Variants in SHPRH observed in about 807,000 individuals in gnomAD.
The protein encoded by SHPRH is SNF2 histone linker PHD RING helicase.
A neutral mutation model predicts 202.5 loss-of-function variants in SHPRH; 106 were observed. The observed-to-expected ratio is 0.52, with a 90% CI of 0.45 to 0.62. SHPRH has a LOEUF of 0.62. Ranked by LOEUF, SHPRH falls within the 20% of genes least tolerant of loss-of-function variation. The probability of loss-of-function intolerance (pLI) is 0.00; values close to 1 mark genes in which losing one functional copy is unlikely to be tolerated. For missense variants in SHPRH, 1,710 were observed against 2,020.0 expected (o/e 0.85, Z 2.94); for synonymous variants, 729 against 686.0 (o/e 1.06, Z -0.98).
intron 21 of SHPRH, among the ~76,000 whole-genome samples, chr6:145,920,633 T>G (rs1267437999): frequency 6.6e-6 from 1 of 152,108 alleles, no homozygotes; most frequent in Admixed American, 6.6e-5. Flanking sequence ...AATGGATAAC[T>G]AATCCAAATA....
intron 2 of SHPRH, among the ~76,000 whole-genome samples, chr6:145,866,659 A>G (rs938922426): frequency 6.6e-6 from 1 of 152,204 alleles, no homozygotes; most frequent in Non-Finnish European, 1.5e-5. Flanking sequence ...CAAAGAGCCA[A>G]AGGTGTAGAA....
At chr6:145,888,204 A>C in intron 28 of SHPRH, 104 bp from the exon 29 acceptor site, 1 of 765,718 alleles carries the variant, frequency 1.3e-6, no homozygotes, top group Non-Finnish European at 2.1e-6. Context: ...GTTGGTGCCC[A>C]CTTGTGGCAG....
At chr6:145,894,498 T>A (rs1477833931) in intron 26 of SHPRH, among the ~76,000 whole-genome samples, 1 of 150,962 alleles carries the variant, frequency 6.6e-6, no homozygotes, top group African/African-American at 2.4e-5. Flanking sequence ...CATAATGGAG[T>A]GCATACTGGA....
chr6:145,949,962 A>G (rs987217453), intron 4 of SHPRH, among the ~76,000 whole-genome samples: 3 of 152,104 alleles, frequency 2.0e-5, no homozygotes, highest in Admixed American at 2.0e-4. Flanking sequence ...GATTCTAAAG[A>G]GCAATTCTTT....
At chr6:145,925,969 T>C (rs1327345558) in intron 16 of SHPRH, among the ~76,000 whole-genome samples, 1 of 151,966 alleles carries the variant, frequency 6.6e-6, no homozygotes, top group Non-Finnish European at 1.5e-5. Context: ...CCAACAGCCA[T>C]ATCTACAACA....
At chr6:145,919,593 C>T (rs1784251316) in intron 21 of SHPRH, 102 bp from the exon 22 acceptor site, 5 of 1,363,260 alleles carry the variant, frequency 3.7e-6, no homozygotes, top group Non-Finnish European at 4.9e-6. Context: ...TGAGATCTTA[C>T]ACTTTTTCGC....
In SHPRH at chr6:145,885,822, G is replaced by A. The variant is rs780829108; in HGVS notation, c.*869C>T. ...TACACAAGAACATGGGAAAGAAAAA[G>A]AATCCAAGACATCAGTATAATAATG... On this transcript the variant is annotated 3_prime_UTR_variant, in exon 30 of 30. Coordinates refer to ENST00000275233, the MANE Select transcript of SHPRH (RefSeq NM_001042683.3). 3 of 150,942 alleles carry A rather than the reference G, an allele frequency of 2.0e-5. No individual in the cohort carries two copies. The highest frequency in any genetic ancestry group is 2.0e-4 in the Admixed American group (3 of 15,146). The allele number at this position is 150,942 out of a possible 1,614,324, so 9.4% of individuals were successfully genotyped here. A position where few individuals can be genotyped will look rare whatever the true frequency, so the allele number is the denominator to read the frequency against.
intron 11 of SHPRH, among the ~76,000 whole-genome samples, chr6:145,936,979 T>TTC (rs1491324761): frequency 0.035 from 566 of 16,062 alleles, 11 homozygotes; most frequent in East Asian, 0.27. Context: ...ATGCTTCATC[T>TTC]TTTTTTTTTT....
Position 145,894,983 on chromosome 6 carries a change from AAC to A in SHPRH, c.4516-8_4516-7del. 1 of 1,612,056 alleles carries A rather than the reference AAC, an allele frequency of 6.2e-7. No individual in the cohort carries two copies. The highest frequency in any genetic ancestry group is 8.5e-7 in the Non-Finnish European group (1 of 1,178,622). On this transcript the variant is annotated splice_polypyrimidine_tract_variant and splice_region_variant and intron_variant, in intron 25 of 29. Transcript: ENST00000275233. ...ACTTTTGTAGAATGGCTGCCCTTTG[AAC>A]ACACACACAAAATACACATTACTAC... is the stretch of plus-strand genomic sequence containing the variant.
chr6:145,945,618 C>G lies in SHPRH; in HGVS notation c.1341G>C (p.Leu447=). The G allele has an allele frequency of 6.2e-7, 1 of 1,611,084 alleles. No individual in the cohort carries two copies. Among genetic ancestry groups the G allele is most frequent in the Non-Finnish European group, 8.5e-7 (1 of 1,179,016 alleles). ...TTCCATTCATTTCTTTCACAGCTGT[C>G]AGTATCATCACACGTGTAGCTAAAT... ...VQCPPTRVMI[L]TAVKEMNGKK... Residue 447 remains leucine (L), a synonymous_variant, in exon 8 of 30, where the codon CTG becomes CTC. Transcript: ENST00000275233.
intron 20 of SHPRH, 68 bp downstream of exon 20, chr6:145,922,218 T>TATAA: frequency 2.2e-6 from 3 of 1,349,842 alleles, no homozygotes; most frequent in Non-Finnish European, 3.1e-6. Flanking sequence ...CATAGTCTTA[T>TATAA]ATCACATAAC....
chr6:145,903,269 A>T lies in SHPRH; in HGVS notation c.4515+7179T>A, dbSNP rs1255382604. ...ATCAGTTTTTTTCACTCAGATGTTT[A>T]TTTTAATTATATTTTAAAAGTGTGA... On this transcript the variant is annotated intron_variant, in intron 25 of 29. Coordinates refer to ENST00000275233, the MANE Select transcript of SHPRH (RefSeq NM_001042683.3). 1.8e-4 allele frequency: 28 copies of T among 151,950 alleles called. No individual in the cohort carries two copies. The South Asian group carries it at 5.8e-3, about 31-fold the overall frequency. 9.4% of individuals were successfully genotyped at this position (151,950 alleles called of 1,614,324 possible). A position where few individuals can be genotyped will look rare whatever the true frequency, so the allele number is the denominator to read the frequency against.
intron 16 of SHPRH, among the ~76,000 whole-genome samples, chr6:145,925,109 T>C (rs1313162421): frequency 6.6e-6 from 1 of 151,818 alleles, no homozygotes; most frequent in Admixed American, 6.6e-5. Context: ...ATTTTTTTTT[T>C]TAGTTAGAAT....
chr6:145,899,054 T>C (rs574056890), intron 25 of SHPRH, among the ~76,000 whole-genome samples: 1 of 152,182 alleles, frequency 6.6e-6, no homozygotes, highest in African/African-American at 2.4e-5. Flanking sequence ...CCTCGAGTGA[T>C]CCTCCTGCCT....
intron 28 of SHPRH, among the ~76,000 whole-genome samples, chr6:145,891,906 A>C (rs1554225245): frequency 6.6e-6 from 1 of 152,200 alleles, no homozygotes; most frequent in Non-Finnish European, 1.5e-5. Flanking sequence ...ATATTTAAAA[A>C]CACAGAAGAA....
intron 17 of SHPRH, 53 bp from the exon 18 acceptor site, chr6:145,923,838 A>G: frequency 6.4e-7 from 1 of 1,570,734 alleles, no homozygotes; most frequent in South Asian, 1.2e-5. Context: ...AGTACTCACT[A>G]AGCTTCCATC....
intron 28 of SHPRH, 57 bp from the exon 29 acceptor site, chr6:145,888,157 A>T (rs1781254259): frequency 7.8e-7 from 1 of 1,280,576 alleles, no homozygotes; most frequent in Non-Finnish European, 1.1e-6. Flanking sequence ...ATCAGTACAA[A>T]CCGACTTCAC....
downstream of SHPRH, chr6:145,883,735 C>G (rs1780758912): frequency 6.6e-6 from 1 of 152,130 alleles, no homozygotes; most frequent in Admixed American, 6.5e-5. Context: ...ATTGCTTGTA[C>G]TAGACTGTTG....
At chr6:145,926,619 A>C (rs908464585) in intron 15 of SHPRH, among the ~76,000 whole-genome samples, 2 of 151,928 alleles carry the variant, frequency 1.3e-5, no homozygotes, top group African/African-American at 4.8e-5. Context: ...TCCCAAGGTC[A>C]ATATTGTGAA....
Sources: gnomAD v4.1 joint callset for allele counts (sites outside exome capture counted in the v4.1 genomes callset) on GRCh38, gnomAD v4.1.1 for gene constraint, MANE v1.5 for transcripts, NCBI Gene and HGNC (gene_info 2026-07-23, HGNC 2026-07-21) for gene names.